The following POLR3F variants were observed in gnomAD, a reference collection of about 807,000 sequenced individuals.
POLR3F encodes DNA-directed RNA polymerase III subunit RPC6.
In POLR3F, 31 loss-of-function variants were observed where a neutral mutation model predicts 43.6. The ratio of observed to expected loss-of-function variants is 0.71; its 90% CI spans 0.53 to 0.96. The LOEUF (loss-of-function observed/expected upper bound fraction) is 0.96, where lower values mean the gene tolerates loss of function less well. POLR3F is among the 40% of genes least tolerant of loss of function. The probability of loss-of-function intolerance (pLI) is 0.00; values close to 1 mark genes in which losing one functional copy is unlikely to be tolerated. For missense variants in POLR3F, 316 were observed against 391.7 expected (o/e 0.81, Z 1.63); for synonymous variants, 114 against 132.5 (o/e 0.86, Z 0.96).
intron 5 of POLR3F, among the ~76,000 whole-genome samples, chr20:18,477,672 A>C (rs535474381): frequency 1.3e-5 from 2 of 152,344 alleles, no homozygotes; most frequent in South Asian, 4.1e-4. Context: ...TAAGTAAAAG[A>C]AGCCAGTCCG....
intron 2 of POLR3F, among the ~76,000 whole-genome samples, chr20:18,471,862 A>G (rs1269570028): frequency 3.9e-5 from 6 of 152,198 alleles, no homozygotes; most frequent in Non-Finnish European, 8.8e-5. Context: ...TACACCTGTA[A>G]TGCTAGCTAC....
chr20:18,478,875 G>T (rs2059794251), intron 5 of POLR3F, among the ~76,000 whole-genome samples: 1 of 152,136 alleles, frequency 6.6e-6, no homozygotes, highest in Non-Finnish European at 1.5e-5. Context: ...GGGCAGGGTG[G>T]TTCATGCCTG....
At chr20:18,479,978 GT>G in intron 5 of POLR3F, 59 bp from the exon 6 acceptor site, 4 of 1,315,056 alleles carry the variant, frequency 3.0e-6, no homozygotes, top group Non-Finnish European at 4.2e-6. Flanking sequence ...AAATATAGGT[GT>G]TTTTGTTTTT....
chr20:18,483,019 C>A (rs1601263400), intron 8 of POLR3F, among the ~76,000 whole-genome samples: 4 of 152,226 alleles, frequency 2.6e-5, no homozygotes, highest in Admixed American at 2.6e-4. Context: ...CTCTACTACT[C>A]CTAACTTGAT....
In POLR3F at chr20:18,483,993, A is replaced by G. The variant is rs2059824399; in HGVS notation, c.*435A>G. On this transcript the variant is annotated 3_prime_UTR_variant, in exon 9 of 9. Transcript: ENST00000377603. ...TCACTACCACCATTTTCTGTTTCCT[A>G]CTTTCTCAGTGGTTTCATTGAAAAG... The G allele has an allele frequency of 5.0e-6, 2 of 397,670 alleles. No individual in the cohort carries two copies. The highest frequency in any genetic ancestry group is 2.1e-5 in the African/African-American group (1 of 48,506). The allele number at this position is 397,670 out of a possible 1,614,324, so 24.6% of individuals were successfully genotyped here.
At chr20:18,473,482 GA>G in intron 4 of POLR3F, 24 bp downstream of exon 4, 6 of 1,194,854 alleles carry the variant, frequency 5.0e-6, no homozygotes, top group Admixed American at 1.7e-5. Context: ...AGATGAAGCA[GA>G]AAAAAACATT....
chr20:18,468,905 G>T, intron 1 of POLR3F, 39 bp from the exon 2 acceptor site: 1 of 963,348 alleles, frequency 1.0e-6, no homozygotes, highest in South Asian at 1.3e-5. Context: ...TCTTGAAACA[G>T]GTAACCATGA....
chr20:18,467,630 C>T (rs970849781), intron 1 of POLR3F, 62 bp downstream of exon 1: 68 of 1,611,624 alleles, frequency 4.2e-5, no homozygotes, highest in Non-Finnish European at 4.8e-5. Context: ...GGCAGCTGGA[C>T]CCCTTCTCCG....
chr20:18,483,930 ATTAAGTTCTTCATTGGAAGTTTTTTT>A lies in POLR3F; in HGVS notation c.*376_*401del, dbSNP rs2059824035. The A allele has an allele frequency of 2.5e-6, 1 of 396,282 alleles. No homozygotes were observed. The highest frequency in any genetic ancestry group is 4.4e-6 in the Non-Finnish European group (1 of 225,248). 24.5% of individuals were successfully genotyped at this position (396,282 alleles called of 1,614,324 possible). On this transcript the variant is annotated 3_prime_UTR_variant, in exon 9 of 9. Coordinates refer to ENST00000377603, the MANE Select transcript of POLR3F (RefSeq NM_006466.4). ...AAAAATGTTCTTTTTAAAGTTATTT[ATTAAGTTCTTCATTGGAAGTTTTTTT>A]TTATATCTGGTTCACTACCACCATT...
At chr20:18,479,357 T>C (rs1469212078) in intron 5 of POLR3F, among the ~76,000 whole-genome samples, 1 of 151,934 alleles carries the variant, frequency 6.6e-6, no homozygotes, top group Admixed American at 6.6e-5. Flanking sequence ...TAGCTGGGCA[T>C]GGTGGCACAT....
chr20:18,478,106 A>AC (rs2059789999), intron 5 of POLR3F, among the ~76,000 whole-genome samples: 2 of 152,172 alleles, frequency 1.3e-5, no homozygotes, highest in Non-Finnish European at 2.9e-5. Context: ...GTTAGCATAA[A>AC]CCCAGGTGTG....
At chr20:18,477,081 G>GA (rs200618300) in intron 5 of POLR3F, among the ~76,000 whole-genome samples, 5,576 of 91,136 alleles carry the variant, frequency 0.061, 281 homozygotes, top group African/African-American at 0.18. Flanking sequence ...CTCAAAAAAA[G>GA]AAAAAAAAAA....
chr20:18,479,832 T>C lies in POLR3F; in HGVS notation c.430-206T>C, dbSNP rs184978649. Among the ~76,000 whole-genome samples the C allele has an allele frequency of 2.7e-3, 413 of 152,322 alleles. 2 individuals are homozygous for C. The highest frequency in any genetic ancestry group is 5.0e-3 in the South Asian group (24 of 4,830). ...GTATGGCATTTAGTTAGTAATGATTTATCAATATTAGTTCATTAATTGTGA... is the reference window on the plus strand; with the variant it reads ...GTATGGCATTTAGTTAGTAATGATTCATCAATATTAGTTCATTAATTGTGA... On this transcript the variant is annotated intron_variant, in intron 5 of 8. Coordinates refer to ENST00000377603, the MANE Select transcript of POLR3F (RefSeq NM_006466.4).
chr20:18,473,525 TCAG>T lies in POLR3F; in HGVS notation c.316+69_316+71del, dbSNP rs2059764834. On this transcript the variant is annotated intron_variant, in intron 4 of 8. Coordinates refer to ENST00000377603, the MANE Select transcript of POLR3F (RefSeq NM_006466.4). ...GGAACTAGATATAGGGACCCAGATC[TCAG>T]CTTCCCAGGGTAGAACTCAGTGGAC... The T allele has an allele frequency of 6.5e-6, 5 of 766,696 alleles. No individual in the cohort carries two copies. In the Admixed American group the frequency reaches 9.7e-5, roughly 15 times the overall value. The allele number at this position is 766,696 out of a possible 1,614,324, so 47.5% of individuals were successfully genotyped here.
At position 18,483,855 on chromosome 20, in the gene POLR3F, G is replaced by A; in HGVS notation, c.*297G>A. 2.5e-6 allele frequency: 1 copy of A among 393,518 alleles called. No homozygotes were observed. The highest frequency in any genetic ancestry group is 4.5e-6 in the Non-Finnish European group (1 of 224,042). 24.4% of individuals were successfully genotyped at this position (393,518 alleles called of 1,614,324 possible). A position where few individuals can be genotyped will look rare whatever the true frequency, so the allele number is the denominator to read the frequency against. ...AGACTTCTGATGGGTCAAGGAAAAA[G>A]ATGCCAACATACCCGTATTTACCAA... On this transcript the variant is annotated 3_prime_UTR_variant, in exon 9 of 9. Coordinates refer to ENST00000377603, the MANE Select transcript of POLR3F (RefSeq NM_006466.4).
At chr20:18,480,659 G>C in intron 7 of POLR3F, 150 bp downstream of exon 7, 1 of 629,330 alleles carries the variant, frequency 1.6e-6, no homozygotes, top group Non-Finnish European at 2.9e-6. Context: ...ATACTGTCCT[G>C]TATCTTAGGC....
chr20:18,471,223 G>T (rs879559160), intron 2 of POLR3F, among the ~76,000 whole-genome samples: 1 of 152,124 alleles, frequency 6.6e-6, no homozygotes, highest in Admixed American at 6.5e-5. Flanking sequence ...ATTGTTTTTG[G>T]TTTCTGGCCA....
chr20:18,478,356 T>C lies in POLR3F; in HGVS notation c.430-1682T>C, dbSNP rs188749095. On this transcript the variant is annotated intron_variant, in intron 5 of 8. Coordinates refer to ENST00000377603, the MANE Select transcript of POLR3F (RefSeq NM_006466.4). The stretch of plus-strand genomic sequence containing the variant: ...ACAGCCTTCCAAGTAGCTGGGACTA[T>C]AGGCACGTGCCACCATGCTCAGCTA... Among the ~76,000 whole-genome samples the C allele has an allele frequency of 4.1e-4, 63 of 152,082 alleles. 1 individual carries two copies. The highest frequency in any genetic ancestry group is 2.6e-3 in the Admixed American group (40 of 15,264).
intron 5 of POLR3F, among the ~76,000 whole-genome samples, chr20:18,478,367 C>T (rs11905483): frequency 3.3e-5 from 5 of 152,182 alleles, no homozygotes; most frequent in East Asian, 1.9e-4. Context: ...AGGCACGTGC[C>T]ACCATGCTCA....
Sources: allele counts gnomAD v4.1 joint callset (sites outside exome capture counted in the v4.1 genomes callset), GRCh38; gene constraint gnomAD v4.1.1; transcripts MANE v1.5; gene names NCBI Gene and HGNC (gene_info 2026-07-23, HGNC 2026-07-21).